ZFAND2B: variants seen among roughly 807,000 people sequenced by gnomAD.
ZFAND2B encodes AN1-type zinc finger protein 2B.
A neutral mutation model predicts 38.2 loss-of-function variants in ZFAND2B; 27 were observed. The ratio of observed to expected loss-of-function variants is 0.71; its 90% confidence interval spans 0.52 to 0.97. ZFAND2B has a LOEUF of 0.97. ZFAND2B is among the 50% of genes least tolerant of loss of function. The pLI, the probability that ZFAND2B is intolerant of heterozygous loss-of-function variation, is 0.00. For synonymous variants in ZFAND2B, 111 were observed against 119.4 expected, an observed-to-expected ratio of 0.93 and a Z score of 0.46; for missense variants, 303 against 331.5, an observed-to-expected ratio of 0.91 and a Z score of 0.67.
Position 219,208,019 on chromosome 2 carries a change from C to T in ZFAND2B, c.415C>T (p.His139Tyr), listed in dbSNP as rs373360671. ...GGACCATGATTGCTCTGGGGAGGGG[C>T]ACCCAACCAGCCGGGCAGGGTAATG... ...PLDHDCSGEGHPTSRAGLAAI... is the reference protein window; with the variant it reads ...PLDHDCSGEGYPTSRAGLAAI... Residue 139 changes from histidine (H) to tyrosine (Y), a missense_variant, in exon 4 of 9, where the codon CAC (histidine) becomes TAC (tyrosine). By Grantham distance (83) the His-to-Tyr change is moderately conservative (BLOSUM62 2). Transcript: ENST00000289528. The T allele has an allele frequency of 2.2e-5, 36 of 1,613,978 alleles. No individual in the cohort carries two copies. Among genetic ancestry groups the T allele is most frequent in the Non-Finnish European group, 2.4e-5 (28 of 1,180,048 alleles).
chr2:219,207,079 G>T, intron 1 of ZFAND2B, 37 bp downstream of exon 1: 1 of 1,565,038 alleles, frequency 6.4e-7, no homozygotes, highest in South Asian at 1.2e-5. Flanking sequence ...GGGCCCAGCG[G>T]ACAGGGACTT....
rs1950503166 is a variant in ZFAND2B, at chr2:219,207,427, G to A, written c.150+6G>A. On this transcript the variant is annotated splice_donor_region_variant and intron_variant, in intron 2 of 8. Transcript: ENST00000289528. ...GTGGATCTGCTTACCAAAAGGTGAG[G>A]GGGCGATCCTCAGGGTGAAAGCAGG... 1 of 1,607,836 alleles carries A rather than the reference G, an allele frequency of 6.2e-7. No individual in the cohort carries two copies. The highest frequency in any genetic ancestry group is 1.7e-5 in the Admixed American group (1 of 59,916).
Position 219,206,873 on chromosome 2 carries a change from A to T in ZFAND2B, c.-115A>T. 8.7e-7 allele frequency: 1 copy of T among 1,147,598 alleles called. No homozygotes were observed. Among genetic ancestry groups the T allele is most frequent in the Non-Finnish European group, 1.2e-6 (1 of 822,644 alleles). 71.1% of individuals were successfully genotyped at this position (1,147,598 alleles called of 1,614,324 possible). ...AACCCGGGCTGGGCGGGGGAGAGGA[A>T]GGGGCGGGGCAGGGAGCCCGCCAGA... is the stretch of plus-strand genomic sequence containing the variant. On this transcript the variant is annotated 5_prime_UTR_variant, in exon 1 of 9. The change creates a new upstream start codon in the 5' untranslated region. Coordinates refer to ENST00000289528, the MANE Select transcript of ZFAND2B (RefSeq NM_138802.3).
At chr2:219,208,534 G>A (rs764575491) in intron 6 of ZFAND2B, 38 bp from the exon 7 acceptor site, 2 of 1,614,230 alleles carry the variant, frequency 1.2e-6, no homozygotes, top group Admixed American at 1.7e-5. Context: ...CACAGAGAGT[G>A]AAGTCCAAGG....
intron 1 of ZFAND2B, 125 bp downstream of exon 1, chr2:219,207,167 T>TCAGCGGCAGAGGGGGC (rs1950497864): frequency 4.8e-6 from 2 of 412,404 alleles, no homozygotes; most frequent in South Asian, 5.2e-5. Flanking sequence ...TGGGGGGGGG[T>TCAGCGGCAGAGGGGGC]GGTCAGCGGC....
rs1950525534 is a variant in ZFAND2B at position 219,208,495 on chromosome 2, G to C, written c.588+9G>C. 6.2e-7 allele frequency: 1 copy of C among 1,614,268 alleles called. No homozygotes were observed. The highest frequency in any genetic ancestry group is 8.5e-7 in the Non-Finnish European group (1 of 1,180,052). On this transcript the variant is annotated intron_variant, in intron 6 of 8. Coordinates refer to ENST00000289528, the MANE Select transcript of ZFAND2B (RefSeq NM_138802.3). The stretch of plus-strand genomic sequence containing the variant: ...CTTTGCAGAATGGCCTGGTGAGTTG[G>C]GCAGAGGTTGGATGGACAGAAACAA...
At chr2:219,207,545 G>GT (rs1208894062) in intron 2 of ZFAND2B, 103 bp from the exon 3 acceptor site, 50 of 1,590,288 alleles carry the variant, frequency 3.1e-5, no homozygotes, top group African/African-American at 1.3e-4. Context: ...GGGAAACACT[G>GT]TTTTTTTGCG....
At chr2:219,209,157 T>C (rs1170147019) in intron 8 of ZFAND2B, 105 bp from the exon 9 acceptor site, 1 of 1,575,096 alleles carries the variant, frequency 6.3e-7, no homozygotes, top group Non-Finnish European at 8.7e-7. Context: ...TATCGTCTGG[T>C]TTTCAGTATG....
At chr2:219,207,827 C>G in intron 3 of ZFAND2B, 48 bp downstream of exon 3, 1 of 1,613,458 alleles carries the variant, frequency 6.2e-7, no homozygotes, top group Non-Finnish European at 8.5e-7. Flanking sequence ...CTACGGATGC[C>G]TGGAAACCCA....
Position 219,207,633 on chromosome 2 carries a change from G to A in ZFAND2B, c.151-15G>A, listed in dbSNP as rs766523460. The stretch of plus-strand genomic sequence containing the variant: ...TGGAGTGGGCCACAGACTGACCCTT[G>A]CTCCTTGACTACAGGATATCCAGGT... On this transcript the variant is annotated splice_polypyrimidine_tract_variant and intron_variant, in intron 2 of 8. Transcript: ENST00000289528. The A allele has an allele frequency of 6.2e-7, 1 of 1,614,028 alleles. No individual in the cohort carries two copies. Among genetic ancestry groups the A allele is most frequent in the South Asian group, 1.1e-5 (1 of 91,080 alleles).
Position 219,207,967 on chromosome 2 carries a change from C to A in ZFAND2B, c.363C>A (p.Asn121Lys). The change falls in exon 4 of 9, where the codon AAC (asparagine) becomes AAA (lysine). Residue 121 changes from asparagine to lysine, a missense_variant. Asn to Lys is a moderately conservative substitution (Grantham distance 94). Coordinates refer to ENST00000289528, the MANE Select transcript of ZFAND2B (RefSeq NM_138802.3). ...MKLTCERCSR[N>K]FCIKHRHPLD... Reference sequence around the variant, plus strand: ...TGACCTGTGAACGCTGTAGCCGAAACTTCTGCATCAAGCACCGGCATCCAC... The same window carrying A: ...TGACCTGTGAACGCTGTAGCCGAAAATTCTGCATCAAGCACCGGCATCCAC... The A allele has an allele frequency of 2.5e-6, 4 of 1,614,160 alleles. No homozygotes were observed. Among genetic ancestry groups the A allele is most frequent in the Non-Finnish European group, 3.4e-6 (4 of 1,180,030 alleles).
At chr2:219,209,109 G>T (rs1950536748) in intron 8 of ZFAND2B, 60 bp downstream of exon 8, 2 of 1,604,974 alleles carry the variant, frequency 1.2e-6, no homozygotes, top group Non-Finnish European at 1.7e-6. Flanking sequence ...TCAGGGATGG[G>T]GGTTCTTCCT....
At position 219,209,643 on chromosome 2, in the gene ZFAND2B, A is replaced by G. The variant is rs1431094198; in HGVS notation, c.*337A>G. 1 of 625,876 alleles carries G rather than the reference A, an allele frequency of 1.6e-6. No individual in the cohort carries two copies. The allele number at this position is 625,876 out of a possible 1,614,324, so 38.8% of individuals were successfully genotyped here. A position where few individuals can be genotyped will look rare whatever the true frequency, so the allele number is the denominator to read the frequency against. ...AATAAAGGATCTTGGCAGTTGATAA[A>G]ACGTACAAGTGGTGTGTTTCTCTCT... On this transcript the variant is annotated 3_prime_UTR_variant, in exon 9 of 9. Coordinates refer to ENST00000289528, the MANE Select transcript of ZFAND2B (RefSeq NM_138802.3).
chr2:219,208,905 C>A, intron 7 of ZFAND2B, 72 bp from the exon 8 acceptor site: 1 of 1,498,964 alleles, frequency 6.7e-7, no homozygotes, highest in Non-Finnish European at 9.3e-7. Flanking sequence ...CCATGAGGCC[C>A]AACACACACA....
intron 4 of ZFAND2B, 97 bp from the exon 5 acceptor site, chr2:219,208,159 C>T: frequency 1.3e-6 from 2 of 1,594,966 alleles, no homozygotes; most frequent in Non-Finnish European, 1.7e-6. Flanking sequence ...AGTCTTTTAG[C>T]TTCCTTTTCA....
chr2:219,208,692 T>G lies in ZFAND2B; in HGVS notation c.656+53T>G, dbSNP rs1950529534. ...GCAAGCTGTGGGCAAGGGCTTGGTC[T>G]GGAGGCAGGTAGGTGGGACCACTCT... On this transcript the variant is annotated intron_variant, in intron 7 of 8. Coordinates refer to ENST00000289528, the MANE Select transcript of ZFAND2B (RefSeq NM_138802.3). The G allele has an allele frequency of 5.0e-6, 8 of 1,605,302 alleles. No individual in the cohort carries two copies. The East Asian group carries it at 1.8e-4, about 36-fold the overall frequency.
In ZFAND2B at chr2:219,208,276, C is replaced by T. The variant is rs1270533730; in HGVS notation, c.455C>T (p.Ala152Val). ...SRAGLAAISRAQAVASTSTVP... is the reference protein window; with the variant it reads ...SRAGLAAISRVQAVASTSTVP... ...TACAGACTTGCTGCCATCTCCAGAGCACAAGCTGTGGCTTCTACAAGCACT... is the reference window on the plus strand; with the variant it reads ...TACAGACTTGCTGCCATCTCCAGAGTACAAGCTGTGGCTTCTACAAGCACT... Residue 152 changes from alanine to valine, a missense_variant, in exon 5 of 9, where the codon GCA (alanine) becomes GTA (valine). Ala to Val is a moderately conservative substitution (Grantham distance 64). Coordinates refer to ENST00000289528, the MANE Select transcript of ZFAND2B (RefSeq NM_138802.3). The T allele has an allele frequency of 6.2e-7, 1 of 1,614,086 alleles. No individual in the cohort carries two copies.
At chr2:219,209,175 C>A in intron 8 of ZFAND2B, 87 bp from the exon 9 acceptor site, 3 of 1,564,558 alleles carry the variant, frequency 1.9e-6, no homozygotes, top group Non-Finnish European at 1.7e-6. Flanking sequence ...ATGACTCCAG[C>A]CCATGCTGAG....
intron 1 of ZFAND2B, 42 bp downstream of exon 1, chr2:219,207,084 G>A (rs766051802): frequency 6.4e-7 from 1 of 1,553,914 alleles, no homozygotes; most frequent in Admixed American, 1.9e-5. Context: ...CAGCGGACAG[G>A]GACTTTGAAC....
Sources: gnomAD v4.1 joint callset for allele counts on GRCh38, gnomAD v4.1.1 for gene constraint, MANE v1.5 for transcripts, NCBI Gene and HGNC (gene_info 2026-07-23, HGNC 2026-07-21) for gene names.